Variants in ARSB observed in about 807,000 individuals in gnomAD.
The protein encoded by ARSB is N-acetylgalactosamine-4-sulfatase.
A neutral mutation model predicts 50.9 loss-of-function variants in ARSB; 41 were observed. That is an observed-to-expected ratio of 0.81 (90% CI 0.63 to 1.04). The LOEUF (loss-of-function observed/expected upper bound fraction) is 1.04, where lower values mean the gene tolerates loss of function less well. Ranked by LOEUF, ARSB falls within the 50% of genes least tolerant of loss-of-function variation. The probability of loss-of-function intolerance (pLI) is 0.00; values close to 1 mark genes in which losing one functional copy is unlikely to be tolerated. For missense variants in ARSB, 672 were observed against 693.3 expected (o/e 0.97, Z 0.35); for synonymous variants, 269 against 284.8 (o/e 0.94, Z 0.56).
At chr5:78,842,174 T>C (rs1226453105) in intron 5 of ARSB, among the ~76,000 whole-genome samples, 1 of 151,452 alleles carries the variant, frequency 6.6e-6, no homozygotes, top group African/African-American at 2.4e-5. Context: ...CAGACAAGGG[T>C]ACAGTGTACT....
At chr5:78,852,141 G>C (rs1348334576) in intron 5 of ARSB, among the ~76,000 whole-genome samples, 1 of 152,194 alleles carries the variant, frequency 6.6e-6, no homozygotes, top group Non-Finnish European at 1.5e-5. Flanking sequence ...AGTTGATGCA[G>C]TTTCTTCCTA....
chr5:78,966,204 T>C (rs1372052061), intron 2 of ARSB, among the ~76,000 whole-genome samples: 1 of 152,206 alleles, frequency 6.6e-6, no homozygotes, highest in Non-Finnish European at 1.5e-5. Context: ...ATAATACAGA[T>C]AGGAGAATTC....
At chr5:78,913,216 CCAGGTT>C (rs1268751512) in intron 4 of ARSB, among the ~76,000 whole-genome samples, 5 of 152,092 alleles carry the variant, frequency 3.3e-5, no homozygotes, top group Non-Finnish European at 7.4e-5. Flanking sequence ...GCTCCGCCTC[CCAGGTT>C]CACGCCATTC....
chr5:78,850,845 A>G (rs539180667), intron 5 of ARSB, among the ~76,000 whole-genome samples: 14 of 152,246 alleles, frequency 9.2e-5, no homozygotes, highest in Middle Eastern at 3.4e-3. Context: ...GTTTATTTGC[A>G]TAGAGGTGTT....
chr5:78,779,725 G>T lies in ARSB; in HGVS notation c.*672C>A, dbSNP rs1748870324. On this transcript the variant is annotated 3_prime_UTR_variant, in exon 8 of 8. Transcript: ENST00000264914. ...GGCAGGAAAAGCCACAGAAGAATTG[G>T]AAGTGGCAGGAAGTCTAGACAGAGT... The T allele has an allele frequency of 6.5e-6, 1 of 152,856 alleles. No individual in the cohort carries two copies. Among genetic ancestry groups the T allele is most frequent in the African/African-American group, 2.4e-5 (1 of 41,464 alleles). 9.5% of individuals were successfully genotyped at this position (152,856 alleles called of 1,614,324 possible).
rs1313700683 is a variant in ARSB, at chr5:78,985,234, G to C, written c.15C>G (p.Gly5=). 1 of 1,329,038 alleles carries C rather than the reference G, an allele frequency of 7.5e-7. No individual in the cohort carries two copies. The allele number at this position is 1,329,038 out of a possible 1,614,324, so 82.3% of individuals were successfully genotyped here. Residue 5 remains glycine (G), a synonymous_variant, in exon 1 of 8, where the codon GGC becomes GGG. Transcript: ENST00000264914. MGPR[G]AASLPRGPGP... is the part of the protein sequence containing the mutation. The stretch of plus-strand genomic sequence containing the variant: ...CGGGGCCTCGGGGCAAGCTCGCCGC[G>C]CCGCGCGGACCCATCCTTGTCCGCC...
At chr5:78,892,496 T>G (rs1371863181) in intron 4 of ARSB, among the ~76,000 whole-genome samples, 6 of 152,062 alleles carry the variant, frequency 3.9e-5, no homozygotes. Context: ...CCTCAGGTGA[T>G]TCATCCACCT....
chr5:78,799,052 A>T (rs558970974), intron 6 of ARSB, among the ~76,000 whole-genome samples: 75 of 152,236 alleles, frequency 4.9e-4, no homozygotes, highest in Non-Finnish European at 9.6e-4. Context: ...TTGAGAAGTT[A>T]TCAGGGTTTC....
chr5:78,954,101 A>C (rs1580119674), intron 4 of ARSB, among the ~76,000 whole-genome samples: 1 of 151,858 alleles, frequency 6.6e-6, no homozygotes, highest in Non-Finnish European at 1.5e-5. Context: ...AAAACAGGAG[A>C]GGGAAAAAAA....
chr5:78,797,253 C>T (rs963016762), intron 6 of ARSB, among the ~76,000 whole-genome samples: 7 of 152,152 alleles, frequency 4.6e-5, no homozygotes, highest in East Asian at 1.9e-4. Flanking sequence ...CGAGCCACTG[C>T]GCCCGGCCTC....
At chr5:78,934,053 C>A (rs1200972002) in intron 4 of ARSB, among the ~76,000 whole-genome samples, 1 of 152,162 alleles carries the variant, frequency 6.6e-6, no homozygotes, top group Non-Finnish European at 1.5e-5. Context: ...AAGCTGACAG[C>A]CAGACAATGA....
chr5:78,914,269 C>G (rs1205753390), intron 4 of ARSB, among the ~76,000 whole-genome samples: 1 of 151,942 alleles, frequency 6.6e-6, no homozygotes, highest in Non-Finnish European at 1.5e-5. Flanking sequence ...CCAGCAGCCA[C>G]ATATTAATAT....
intron 3 of ARSB, among the ~76,000 whole-genome samples, chr5:78,956,847 G>T (rs10040033): frequency 0.29 from 44,230 of 152,126 alleles, 7,257 homozygotes; most frequent in Non-Finnish European, 0.37. Context: ...ATTACGATAT[G>T]GATGTGTACC....
intron 4 of ARSB, among the ~76,000 whole-genome samples, chr5:78,891,700 G>T (rs753402462): frequency 3.9e-5 from 6 of 152,150 alleles, no homozygotes; most frequent in African/African-American, 1.4e-4. Context: ...GGGAGCAGGA[G>T]GCCTTATGCA....
intron 2 of ARSB, among the ~76,000 whole-genome samples, chr5:78,966,207 G>C (rs1308333172): frequency 6.6e-6 from 1 of 152,180 alleles, no homozygotes; most frequent in African/African-American, 2.4e-5. Context: ...ATACAGATAG[G>C]AGAATTCCAG....
At chr5:78,939,095 G>C (rs1379547405) in intron 4 of ARSB, among the ~76,000 whole-genome samples, 1 of 152,166 alleles carries the variant, frequency 6.6e-6, no homozygotes, top group African/African-American at 2.4e-5. Flanking sequence ...TGTGGATTAT[G>C]TGGGTACTCT....
chr5:78,848,914 G>A (rs927787008), intron 5 of ARSB, among the ~76,000 whole-genome samples: 6 of 151,360 alleles, frequency 4.0e-5, no homozygotes, highest in Non-Finnish European at 8.9e-5. Flanking sequence ...TGTTGATGGC[G>A]TTGTTTTTTC....
chr5:78,858,964 G>A (rs1322314294), intron 5 of ARSB, among the ~76,000 whole-genome samples: 1 of 152,146 alleles, frequency 6.6e-6, no homozygotes, highest in Non-Finnish European at 1.5e-5. Flanking sequence ...TTTTACACAA[G>A]GAAATCAATG....
chr5:78,822,204 TG>T (rs1236780391), intron 6 of ARSB, among the ~76,000 whole-genome samples: 1 of 152,236 alleles, frequency 6.6e-6, no homozygotes, highest in African/African-American at 2.4e-5. Flanking sequence ...TTGGAAACTT[TG>T]GGCTTCTATG....
Sources: allele counts gnomAD v4.1 joint callset (sites outside exome capture counted in the v4.1 genomes callset), GRCh38; gene constraint gnomAD v4.1.1; transcripts MANE v1.5; gene names NCBI Gene and HGNC (gene_info 2026-07-23, HGNC 2026-07-21).